The following PDE8A variants were observed in gnomAD, a reference collection of about 807,000 sequenced individuals.
PDE8A encodes the protein high affinity cAMP-specific and IBMX-insensitive 3',5'-cyclic phosphodiesterase 8A.
PDE8A carries 59 observed loss-of-function variants against 105.0 expected under a neutral mutation model. The ratio of observed to expected loss-of-function variants is 0.56; its 90% CI spans 0.46 to 0.70. The LOEUF (loss-of-function observed/expected upper bound fraction) is 0.70, where lower values mean the gene tolerates loss of function less well. Ranked by LOEUF, PDE8A falls within the 30% of genes least tolerant of loss-of-function variation. The probability of loss-of-function intolerance (pLI) is 0.00; values close to 1 mark genes in which losing one functional copy is unlikely to be tolerated. For missense variants in PDE8A, 1,014 were observed against 1,045.9 expected (o/e 0.97, Z 0.42); for synonymous variants, 355 against 371.9 (o/e 0.95, Z 0.52).
intron 19 of PDE8A, among the ~76,000 whole-genome samples, chr15:85,123,685 G>C (rs1179535184): frequency 1.3e-5 from 2 of 152,088 alleles, no homozygotes; most frequent in African/African-American, 2.4e-5. Context: ...ATCTCTTTTG[G>C]CAACACTCTC....
At chr15:85,048,636 C>G (rs528862044) in intron 1 of PDE8A, among the ~76,000 whole-genome samples, 1 of 152,320 alleles carries the variant, frequency 6.6e-6, no homozygotes, top group East Asian at 1.9e-4. Flanking sequence ...ATAGGTCAGT[C>G]TCATTCATTT....
At chr15:85,111,730 A>T (rs2082023829) in intron 12 of PDE8A, among the ~76,000 whole-genome samples, 1 of 152,132 alleles carries the variant, frequency 6.6e-6, no homozygotes, top group Non-Finnish European at 1.5e-5. Context: ...TCCTCCTGGG[A>T]TTTGTTTTCA....
chr15:85,102,196 A>G (rs1018504336), intron 11 of PDE8A, among the ~76,000 whole-genome samples: 3 of 152,276 alleles, frequency 2.0e-5, no homozygotes, highest in South Asian at 4.1e-4. Flanking sequence ...AGGAAACAGA[A>G]GCAGGAAAAG....
intron 14 of PDE8A, 35 bp downstream of exon 14, chr15:85,114,072 T>C (rs1293743389): frequency 6.4e-7 from 1 of 1,574,090 alleles, no homozygotes; most frequent in Non-Finnish European, 8.7e-7. Flanking sequence ...GGCTAGAGCC[T>C]GTCTGTTCTT....
intron 1 of PDE8A, among the ~76,000 whole-genome samples, chr15:84,995,527 C>T (rs1321938702): frequency 6.6e-6 from 1 of 152,104 alleles, no homozygotes; most frequent in Non-Finnish European, 1.5e-5. Flanking sequence ...CATTATATTG[C>T]TCAGGCTGGT....
At chr15:85,095,929 C>T (rs1441229518) in intron 8 of PDE8A, among the ~76,000 whole-genome samples, 2 of 151,260 alleles carry the variant, frequency 1.3e-5, no homozygotes, top group Non-Finnish European at 1.5e-5. Flanking sequence ...GACGGAGTCT[C>T]GCTCTGTCAC....
At chr15:85,040,718 A>G (rs146835383) in intron 1 of PDE8A, among the ~76,000 whole-genome samples, 12 of 151,482 alleles carry the variant, frequency 7.9e-5, no homozygotes, top group Non-Finnish European at 1.6e-4. Flanking sequence ...CCACCATCAT[A>G]CCCGGCTAAT....
chr15:85,054,974 C>T (rs2081037207), intron 1 of PDE8A, among the ~76,000 whole-genome samples: 1 of 152,122 alleles, frequency 6.6e-6, no homozygotes, highest in African/African-American at 2.4e-5. Flanking sequence ...CCTCTACACA[C>T]TGCTTTAAAT....
chr15:85,040,954 T>TA (rs1692027200), intron 1 of PDE8A, among the ~76,000 whole-genome samples: 1 of 152,176 alleles, frequency 6.6e-6, no homozygotes, highest in South Asian at 2.1e-4. Context: ...ATTCATCATA[T>TA]TATTATCCCC....
intron 17 of PDE8A, 51 bp downstream of exon 17, chr15:85,117,890 G>A: frequency 7.2e-7 from 1 of 1,397,938 alleles, no homozygotes; most frequent in Non-Finnish European, 1.0e-6. Context: ...AGTGGGGAGA[G>A]TCTAGTGCTT....
intron 2 of PDE8A, 80 bp from the exon 3 acceptor site, chr15:85,066,934 G>T: frequency 9.2e-7 from 1 of 1,092,660 alleles, no homozygotes; most frequent in South Asian, 1.5e-5. Context: ...GCAAGACTCT[G>T]TCTCAAGAAA....
chr15:85,096,834 T>C (rs758597447), intron 8 of PDE8A, among the ~76,000 whole-genome samples: 18 of 152,240 alleles, frequency 1.2e-4, no homozygotes, highest in Middle Eastern at 3.2e-3. Flanking sequence ...TTCAGAATTA[T>C]ATCAGTAAGC....
rs2079718704 is a variant in PDE8A at position 84,982,051 on chromosome 15, C to G, written c.-112C>G. The G allele has an allele frequency of 1.1e-5, 6 of 542,220 alleles. No individual in the cohort carries two copies. Among genetic ancestry groups the G allele is most frequent in the South Asian group, 8.8e-5 (1 of 11,384 alleles). 33.6% of individuals were successfully genotyped at this position (542,220 alleles called of 1,614,324 possible). A position where few individuals can be genotyped will look rare whatever the true frequency, so the allele number is the denominator to read the frequency against. ...GACGCGAGATCCGCGCTCGCCGCCG[C>G]CCGCCCAGGCGGCGATGACACGGCG... is the stretch of plus-strand genomic sequence containing the variant. On this transcript the variant is annotated 5_prime_UTR_variant, in exon 1 of 22. Transcript: ENST00000394553.
At chr15:85,074,956 G>A (rs1268070308) in intron 3 of PDE8A, among the ~76,000 whole-genome samples, 1 of 152,158 alleles carries the variant, frequency 6.6e-6, no homozygotes, top group Non-Finnish European at 1.5e-5. Context: ...TCCTTTTAGA[G>A]TCCCTCTCCA....
In PDE8A at chr15:85,100,085, C is replaced by G; in HGVS notation, c.993+19C>G. The G allele has an allele frequency of 4.3e-6, 7 of 1,613,560 alleles. No homozygotes were observed. Among genetic ancestry groups the G allele is most frequent in the Non-Finnish European group, 5.9e-6 (7 of 1,179,564 alleles). On this transcript the variant is annotated intron_variant, in intron 10 of 21. Coordinates refer to ENST00000394553, the MANE Select transcript of PDE8A (RefSeq NM_002605.3). Reference sequence around the variant, plus strand: ...CAATAAGGTACGTAAGGAGAGCCCCCCGGGGCCCCAGGAACACCCCAGCAA... The same window carrying G: ...CAATAAGGTACGTAAGGAGAGCCCCGCGGGGCCCCAGGAACACCCCAGCAA...
Position 85,058,247 on chromosome 15 carries a change from T to TTTC in PDE8A, c.187-6112_187-6110dup, listed in dbSNP as rs912739317. ...AGGTGCATACCACCATGACCAGCTT[T>TTTC]TTCTTCTTCTTCTCTTTTTTATAGA... On this transcript the variant is annotated intron_variant, in intron 1 of 21. Transcript: ENST00000394553. Among the ~76,000 whole-genome samples the TTTC allele has an allele frequency of 3.9e-5, 6 of 152,138 alleles. No individual in the cohort carries two copies. The South Asian group carries it at 1.2e-3, about 32-fold the overall frequency.
chr15:85,009,218 CAAAGGCAGTCT>C (rs2080201715), intron 1 of PDE8A, among the ~76,000 whole-genome samples: 1 of 151,674 alleles, frequency 6.6e-6, no homozygotes. Flanking sequence ...TGTGACTAGG[CAAAGGCAGTCT>C]AAAAAACTGA....
rs1238622027 is a variant in PDE8A at position 85,091,145 on chromosome 15, G to C, written c.816G>C (p.Leu272Phe). 1 of 1,612,886 alleles carries C rather than the reference G, an allele frequency of 6.2e-7. No homozygotes were observed. Among genetic ancestry groups the C allele is most frequent in the East Asian group, 2.2e-5 (1 of 44,834 alleles). The change falls in exon 8 of 22, where the codon TTG (leucine) becomes TTC (phenylalanine). Residue 272 changes from leucine (L) to phenylalanine (F), a missense_variant. Physicochemically the swap from Leu to Phe is conservative, Grantham distance 22. Transcript: ENST00000394553. ...EVPINEKKAD[L>F]LDTINSCIRI... ...CTATAAATGAAAAAAAGGCTGACTT[G>C]CTCGATACTATAAATTCATGCATCA...
intron 1 of PDE8A, among the ~76,000 whole-genome samples, chr15:84,993,955 A>T (rs776827126): frequency 1.3e-5 from 2 of 152,150 alleles, no homozygotes; most frequent in African/African-American, 4.8e-5. Flanking sequence ...ACATTTAACT[A>T]TTATTTATTT....
Sources: allele counts gnomAD v4.1 joint callset (sites outside exome capture counted in the v4.1 genomes callset), GRCh38; gene constraint gnomAD v4.1.1; transcripts MANE v1.5; gene names NCBI Gene and HGNC (gene_info 2026-07-23, HGNC 2026-07-21).